TGIF1: variants seen among roughly 807,000 people sequenced by gnomAD.
TGIF1 encodes the protein TGFB induced factor homeobox 1.
A neutral mutation model predicts 19.3 loss-of-function variants in TGIF1; 4 were observed. The observed-to-expected ratio is 0.21, with a 90% CI of 0.10 to 0.47. The LOEUF (loss-of-function observed/expected upper bound fraction) is 0.47. Among genes scored for constraint, TGIF1 ranks in the 20% least tolerant of loss-of-function variants. The probability of loss-of-function intolerance (pLI) is 0.98; values close to 1 mark genes in which losing one functional copy is unlikely to be tolerated. For missense variants in TGIF1, 275 were observed against 341.4 expected, an observed-to-expected ratio of 0.81 and a Z score of 1.53; for synonymous variants, 122 against 129.3, an observed-to-expected ratio of 0.94 and a Z score of 0.38.
intron 1 of TGIF1, chr18:3,453,976 T>A: frequency 3.0e-6 from 1 of 332,978 alleles, no homozygotes; most frequent in Non-Finnish European, 4.3e-6. Flanking sequence ...GAGCCACAAC[T>A]AGGAGGGAGA....
intron 2 of TGIF1, among the ~76,000 whole-genome samples, chr18:3,439,317 A>C (rs2082653569): frequency 6.6e-6 from 1 of 152,028 alleles, no homozygotes. Context: ...GACACAACAG[A>C]GTCCTTGTTT....
At chr18:3,445,212 C>G (rs1432913200), upstream of TGIF1, among the ~76,000 whole-genome samples, 2 of 152,064 alleles carry the variant, frequency 1.3e-5, no homozygotes, top group Non-Finnish European at 1.5e-5. Flanking sequence ...TTAGGCCTAG[C>G]CTTGACTGGT....
At chr18:3,449,362 C>T (rs937824866), upstream of TGIF1, 2 of 985,312 alleles carry the variant, frequency 2.0e-6, no homozygotes, top group African/African-American at 3.5e-5. Context: ...CAGGCGGAGT[C>T]TTGGTGAGGC....
At chr18:3,448,872 G>A (rs1164416937), upstream of TGIF1, among the ~76,000 whole-genome samples, 1 of 152,010 alleles carries the variant, frequency 6.6e-6, no homozygotes, top group East Asian at 1.9e-4. Context: ...GATCTCCACC[G>A]AGGTTACCGA....
intron 2 of TGIF1, among the ~76,000 whole-genome samples, chr18:3,419,309 T>C (rs1044669422): frequency 6.6e-6 from 1 of 152,142 alleles, no homozygotes; most frequent in Non-Finnish European, 1.5e-5. Flanking sequence ...TAGGGAAATA[T>C]AGATGAAAAT....
intron 2 of TGIF1, among the ~76,000 whole-genome samples, chr18:3,443,635 G>A (rs2082701959): frequency 6.6e-6 from 1 of 152,014 alleles, no homozygotes; most frequent in Admixed American, 6.6e-5. Flanking sequence ...GGAGTGCAAT[G>A]GCGCAATCTC....
chr18:3,439,030 C>G (rs894934506), intron 2 of TGIF1, among the ~76,000 whole-genome samples: 1 of 152,014 alleles, frequency 6.6e-6, no homozygotes, highest in African/African-American at 2.4e-5. Context: ...TCATTTAGAC[C>G]GAGGAATAAG....
chr18:3,452,413 G>T, intron 1 of TGIF1: 1 of 1,612,950 alleles, frequency 6.2e-7, no homozygotes, highest in East Asian at 2.2e-5. Context: ...CTTTGCGACT[G>T]GTTCAGGGCT....
chr18:3,422,172 C>T (rs1392654251), intron 2 of TGIF1, among the ~76,000 whole-genome samples: 25 of 129,020 alleles, frequency 1.9e-4, no homozygotes, highest in Admixed American at 3.5e-4. Flanking sequence ...CCAGCCTGGG[C>T]GACAGAGTGA....
chr18:3,457,662 T>G lies in TGIF1; in HGVS notation c.541T>G (p.Leu181Val). The G allele has an allele frequency of 6.2e-7, 1 of 1,614,204 alleles. No homozygotes were observed. The highest frequency in any genetic ancestry group is 8.5e-7 in the Non-Finnish European group (1 of 1,180,040). Residue 181 changes from leucine to valine, a missense_variant, in exon 3 of 3, where the codon TTG (leucine) becomes GTG (valine). Physicochemically the swap from Leu to Val is conservative, Grantham distance 32 (BLOSUM62 1). Coordinates refer to ENST00000343820, the MANE Select transcript of TGIF1 (RefSeq NM_003244.4). The surrounding 1 kb of genome is among the most constrained non-coding windows in gnomAD (Gnocchi z 4.9). ...GATCTGCCATACCACTGTGACTGCATTGAAAGATGTCCCTTTCTCTCTCTG... is the reference window on the plus strand; with the variant it reads ...GATCTGCCATACCACTGTGACTGCAGTGAAAGATGTCCCTTTCTCTCTCTG... ...SVICHTTVTA[L>V]KDVPFSLCQS...
chr18:3,457,651 C>T lies in TGIF1; in HGVS notation c.530C>T (p.Thr177Ile). ...LARPSVICHT[T>I]VTALKDVPFS... ...CGTCCATCAGTGATCTGCCATACCA[C>T]TGTGACTGCATTGAAAGATGTCCCT... is the stretch of plus-strand genomic sequence containing the variant. Residue 177 changes from threonine (T) to isoleucine (I), a missense_variant, in exon 3 of 3, where the codon ACT becomes ATT. Thr to Ile is a moderately conservative substitution (Grantham distance 89, BLOSUM62 -1). Transcript: ENST00000343820. This position sits in a 1 kb window ranked among gnomAD's most constrained non-coding sequence, Gnocchi z 4.9. 1 of 1,614,246 alleles carries T rather than the reference C, an allele frequency of 6.2e-7. No individual in the cohort carries two copies. Among genetic ancestry groups the T allele is most frequent in the Non-Finnish European group, 8.5e-7 (1 of 1,180,048 alleles).
At chr18:3,412,893 C>T (rs1179300758) in intron 1 of TGIF1, 1 of 152,364 alleles carries the variant, frequency 6.6e-6, no homozygotes, top group East Asian at 1.9e-4. Context: ...CGTCACACGC[C>T]TGTAGTCCTA....
At chr18:3,452,424 C>G (rs886122652) in intron 1 of TGIF1, 2 of 1,612,632 alleles carry the variant, frequency 1.2e-6, no homozygotes, top group African/African-American at 1.3e-5. Context: ...GTTCAGGGCT[C>G]TTTGGGGGAG....
intron 1 of TGIF1, among the ~76,000 whole-genome samples, chr18:3,417,158 G>C (rs185396446): frequency 3.9e-5 from 6 of 152,104 alleles, no homozygotes; most frequent in Non-Finnish European, 4.4e-5. Flanking sequence ...TGTTGTTGTT[G>C]TTCGTTGTTT....
At chr18:3,450,610 G>C in intron 1 of TGIF1, 105 bp downstream of exon 1, 1 of 1,543,644 alleles carries the variant, frequency 6.5e-7, no homozygotes, top group East Asian at 2.4e-5. Context: ...CCGCCCAGGG[G>C]CTCTCATGCT....
In TGIF1 at chr18:3,459,679, T is replaced by TAA. The variant is rs1313310360; in HGVS notation, c.*1740_*1741insAA. ...GCAAGTCCTAAAAGGTTTGCCCTGT[T>TAA]ACGGTGTTTCATCACTCATACTGGA... On this transcript the variant is annotated 3_prime_UTR_variant, in exon 3 of 3. Transcript: ENST00000343820. 2 of 152,256 alleles carry TAA rather than the reference T, an allele frequency of 1.3e-5. No individual in the cohort carries two copies. Among genetic ancestry groups the TAA allele is most frequent in the Non-Finnish European group, 2.9e-5 (2 of 68,042 alleles). The allele number at this position is 152,256 out of a possible 1,614,324, so 9.4% of individuals were successfully genotyped here. A position where few individuals can be genotyped will look rare whatever the true frequency, so the allele number is the denominator to read the frequency against.
rs2082945838 is a variant in TGIF1 at position 3,451,786 on chromosome 18, C to T, written c.16+1281C>T. 7.8e-7 allele frequency: 1 copy of T among 1,290,152 alleles called. No individual in the cohort carries two copies. The highest frequency in any genetic ancestry group is 9.8e-7 in the Non-Finnish European group (1 of 1,020,116). 79.9% of individuals were successfully genotyped at this position (1,290,152 alleles called of 1,614,324 possible). ...TGGCAGTCGTTGTTGGTAGAACGCC[C>T]TAAGGACCCCTCCCCGCGGGACGGA... On this transcript the variant is annotated intron_variant, in intron 1 of 2. Coordinates refer to ENST00000343820, the MANE Select transcript of TGIF1 (RefSeq NM_003244.4). The surrounding 1 kb of genome is among the most constrained non-coding windows in gnomAD (Gnocchi z 5.4).
chr18:3,456,158 G>A lies in TGIF1; in HGVS notation c.17-196G>A, dbSNP rs544427689. Reference sequence around the variant, plus strand: ...GCTGAGAAAAGGCATCTGGCATTTGGTTGAGAGCCTCCTATGTGGTGCTAG... The same window carrying A: ...GCTGAGAAAAGGCATCTGGCATTTGATTGAGAGCCTCCTATGTGGTGCTAG... On this transcript the variant is annotated intron_variant, in intron 1 of 2. Transcript: ENST00000343820. The surrounding 1 kb of genome is among the most constrained non-coding windows in gnomAD (Gnocchi z 4.2). 151 of 676,246 alleles carry A rather than the reference G, an allele frequency of 2.2e-4. No homozygotes were observed. The East Asian group carries it at 3.3e-3, about 15-fold the overall frequency. The allele number at this position is 676,246 out of a possible 1,614,324, so 41.9% of individuals were successfully genotyped here.
At chr18:3,444,926 C>T (rs1041801366) in intron 2 of TGIF1, among the ~76,000 whole-genome samples, 1 of 152,158 alleles carries the variant, frequency 6.6e-6, no homozygotes, top group Admixed American at 6.5e-5. Flanking sequence ...TGATCCTCCT[C>T]CCCATGGGGA....
Sources: allele counts gnomAD v4.1 joint callset (sites outside exome capture counted in the v4.1 genomes callset), GRCh38; gene constraint gnomAD v4.1.1; non-coding constraint Gnocchi (gnomAD v3.1); transcripts MANE v1.5; gene names NCBI Gene and HGNC (gene_info 2026-07-23, HGNC 2026-07-21).